Variants in MYO16 observed in about 807,000 individuals in gnomAD.
The protein encoded by MYO16 is unconventional myosin-XVI.
Under a neutral mutation model 205.3 loss-of-function variants are expected in MYO16, and 94 were observed. The ratio of observed to expected loss-of-function variants is 0.46; its 90% confidence interval spans 0.39 to 0.54. MYO16 has a LOEUF of 0.54. Ranked by LOEUF, MYO16 falls within the 20% of genes least tolerant of loss-of-function variation. The probability of loss-of-function intolerance (pLI) is 0.00; values close to 1 mark genes in which losing one functional copy is unlikely to be tolerated. For synonymous variants in MYO16, 988 were observed against 954.0 expected, an observed-to-expected ratio of 1.04 and a Z score of -0.66; for missense variants, 2,315 against 2,387.5, an observed-to-expected ratio of 0.97 and a Z score of 0.63.
intron 1 of MYO16, among the ~76,000 whole-genome samples, chr13:108,655,740 C>T (rs1881215164): frequency 6.6e-6 from 1 of 152,170 alleles, no homozygotes; most frequent in Non-Finnish European, 1.5e-5. Context: ...GAACCTACCT[C>T]TTGCATCAAT....
intron 33 of MYO16, among the ~76,000 whole-genome samples, chr13:109,173,952 G>T (rs953172349): frequency 1.4e-5 from 2 of 147,306 alleles, no homozygotes; most frequent in Non-Finnish European, 3.0e-5. Context: ...TTTGATGGGG[G>T]GGGGTACTCT....
intron 4 of MYO16, among the ~76,000 whole-genome samples, chr13:108,750,186 G>A (rs1191872082): frequency 6.6e-6 from 1 of 152,174 alleles, no homozygotes; most frequent in East Asian, 1.9e-4. Flanking sequence ...TGTGACAGCG[G>A]ATACATGACA....
At chr13:108,957,603 G>A (rs9559450) in intron 16 of MYO16, 85 bp from the exon 17 acceptor site, 69,470 of 880,068 alleles carry the variant, frequency 0.079, 3,227 homozygotes, top group East Asian at 0.17. Context: ...TCATTTTAGA[G>A]ATCAAATACG....
At chr13:108,771,111 G>A (rs1885948306) in intron 4 of MYO16, among the ~76,000 whole-genome samples, 1 of 152,182 alleles carries the variant, frequency 6.6e-6, no homozygotes, top group Non-Finnish European at 1.5e-5. Context: ...TATAAAAACA[G>A]AGGACTGTCC....
chr13:109,148,647 A>G (rs1474343440), intron 32 of MYO16, among the ~76,000 whole-genome samples: 1 of 152,206 alleles, frequency 6.6e-6, no homozygotes, highest in Non-Finnish European at 1.5e-5. Flanking sequence ...CCCCCATGGT[A>G]TACATGCCAC....
At chr13:108,911,285 G>C (rs112209195) in intron 16 of MYO16, among the ~76,000 whole-genome samples, 139 of 152,202 alleles carry the variant, frequency 9.1e-4, no homozygotes, top group Middle Eastern at 6.8e-3. Context: ...TTCTGGTTGG[G>C]GAGATATTAA....
chr13:108,718,030 G>T (rs996031105), intron 3 of MYO16, among the ~76,000 whole-genome samples: 6 of 152,152 alleles, frequency 3.9e-5, no homozygotes, highest in Non-Finnish European at 1.5e-5. Context: ...AAACCGAGCT[G>T]CTCTTTGCTC....
the MYO16 span, among the ~76,000 whole-genome samples, chr13:108,502,616 G>T: frequency 6.6e-6 from 1 of 152,090 alleles, no homozygotes; most frequent in Non-Finnish European, 1.5e-5. Context: ...AACCCAGGAG[G>T]CTAAAAACTG....
At chr13:108,801,677 C>T (rs544756645) in intron 6 of MYO16, among the ~76,000 whole-genome samples, 1 of 152,254 alleles carries the variant, frequency 6.6e-6, no homozygotes, top group South Asian at 2.1e-4. Context: ...TCCTGGAAGC[C>T]TCCATCACTT....
At chr13:108,965,339 C>T (rs372998543) in intron 20 of MYO16, among the ~76,000 whole-genome samples, 88 of 152,276 alleles carry the variant, frequency 5.8e-4, no homozygotes, top group African/African-American at 2.0e-3. Flanking sequence ...TATTTCTTCA[C>T]TTATTTCGTG....
chr13:109,073,549 C>G (rs1351626011), intron 27 of MYO16, among the ~76,000 whole-genome samples: 2 of 152,114 alleles, frequency 1.3e-5, no homozygotes, highest in African/African-American at 4.8e-5. Context: ...AAGCCTAAAA[C>G]ACATACAGAA....
At chr13:108,976,330 G>A (rs2139403780) in intron 20 of MYO16, among the ~76,000 whole-genome samples, 1 of 152,196 alleles carries the variant, frequency 6.6e-6, no homozygotes, top group East Asian at 1.9e-4. Context: ...AAAAGGACAG[G>A]AGATATAATC....
intron 29 of MYO16, among the ~76,000 whole-genome samples, chr13:109,123,862 G>A (rs551090014): frequency 2.0e-5 from 3 of 152,252 alleles, no homozygotes; most frequent in Admixed American, 1.3e-4. Flanking sequence ...CTATTTTAAA[G>A]CACTTAATAT....
intron 1 of MYO16, among the ~76,000 whole-genome samples, chr13:108,658,649 C>T (rs1490198460): frequency 2.0e-5 from 3 of 152,056 alleles, no homozygotes; most frequent in Admixed American, 1.3e-4. Context: ...CTTCTCTGAA[C>T]CATGCTTTAT....
chr13:108,847,913 T>C (rs950458959), intron 10 of MYO16, among the ~76,000 whole-genome samples: 1 of 152,084 alleles, frequency 6.6e-6, no homozygotes, highest in African/African-American at 2.4e-5. Context: ...CCTTCAGACA[T>C]TTTTATTTAA....
chr13:108,758,146 C>T (rs1360513799), intron 4 of MYO16, among the ~76,000 whole-genome samples: 1 of 152,178 alleles, frequency 6.6e-6, no homozygotes, highest in African/African-American at 2.4e-5. Context: ...ACCAAATCTT[C>T]AGGCGACTTG....
rs888124699 is a variant in MYO16 at position 108,727,536 on chromosome 13, A to G, written c.460A>G (p.Ile154Val). Reference sequence around the variant, plus strand: ...TGAAGACTTCTGGACGCCCATGCACATTGCCTGTGCCTGCGATAACCCTGA... The same window carrying G: ...TGAAGACTTCTGGACGCCCATGCACGTTGCCTGTGCCTGCGATAACCCTGA... Reference protein sequence around the residue: ...QDEDFWTPMHIACACDNPDIV... With the variant: ...QDEDFWTPMHVACACDNPDIV... The change falls in exon 4 of 35, where the codon ATT becomes GTT. Residue 154 changes from isoleucine to valine, a missense_variant. Ile to Val is a conservative substitution (Grantham distance 29). Transcript: ENST00000457511. The G allele has an allele frequency of 5.0e-6, 8 of 1,613,848 alleles. No homozygotes were observed. The highest frequency in any genetic ancestry group is 3.3e-5 in the Admixed American group (2 of 59,948).
Position 108,709,486 on chromosome 13 carries a change from C to T in MYO16, c.293-3175C>T, listed in dbSNP as rs374439688. On this transcript the variant is annotated intron_variant, in intron 2 of 34. Coordinates refer to ENST00000457511, the MANE Select transcript of MYO16 (RefSeq NM_001198950.3). ...AGGGAACCACGTAATGTAACAGAGCCTCAGCTTCCTTATTAGTAAAAGAAA... is the reference window on the plus strand; with the variant it reads ...AGGGAACCACGTAATGTAACAGAGCTTCAGCTTCCTTATTAGTAAAAGAAA... Among the ~76,000 whole-genome samples the T allele has an allele frequency of 6.0e-4, 82 of 136,180 alleles. 23 individuals are homozygous for T. The South Asian group carries it at 0.021, about 35-fold the overall frequency. 89.3% of individuals were successfully genotyped at this position (136,180 alleles called of 152,430 possible).
At chr13:108,851,051 G>A (rs771444006) in intron 10 of MYO16, among the ~76,000 whole-genome samples, 1 of 152,140 alleles carries the variant, frequency 6.6e-6, no homozygotes, top group African/African-American at 2.4e-5. Context: ...TGTTAGCATC[G>A]TGACTGTAAG....
Sources: allele counts gnomAD v4.1 joint callset (sites outside exome capture counted in the v4.1 genomes callset), GRCh38; gene constraint gnomAD v4.1.1; transcripts MANE v1.5; gene names NCBI Gene and HGNC (gene_info 2026-07-23, HGNC 2026-07-21).